TCEANC2: variants seen among roughly 807,000 people sequenced by gnomAD.
The protein encoded by TCEANC2 is transcription elongation factor A N-terminal and central domain containing 2.
TCEANC2 carries 20 observed loss-of-function variants against 22.8 expected under a neutral mutation model. The observed-to-expected ratio is 0.88, with a 90% CI of 0.62 to 1.28. The LOEUF (loss-of-function observed/expected upper bound fraction) is 1.28, where lower values mean the gene tolerates loss of function less well. Among genes scored for constraint, TCEANC2 ranks in the 50% most tolerant of loss-of-function variants. The pLI, the probability that TCEANC2 is intolerant of heterozygous loss-of-function variation, is 0.00. For missense variants in TCEANC2, 251 were observed against 249.7 expected (o/e 1.01, Z -0.03); for synonymous variants, 84 against 95.5 (o/e 0.88, Z 0.70).
intron 3 of TCEANC2, among the ~76,000 whole-genome samples, chr1:54,078,085 G>A (rs1361690841): frequency 6.6e-6 from 1 of 152,152 alleles, no homozygotes; most frequent in Non-Finnish European, 1.5e-5. Flanking sequence ...GGTAAAAATA[G>A]CATCTTGTTT....
chr1:54,054,409 G>A lies in TCEANC2; in HGVS notation c.-14G>A, dbSNP rs1297960089. The A allele has an allele frequency of 1.9e-6, 3 of 1,613,792 alleles. No homozygotes were observed. The highest frequency in any genetic ancestry group is 1.6e-4 in the Middle Eastern group (1 of 6,062). On this transcript the variant is annotated 5_prime_UTR_variant, in exon 2 of 5. Coordinates refer to ENST00000234827, the MANE Select transcript of TCEANC2 (RefSeq NM_153035.3). Reference sequence around the variant, plus strand: ...ACGCTGCAAGCACGTCAAGGTAGTCGGAGTCCCCTAACAATGGATAAATTC... The same window carrying A: ...ACGCTGCAAGCACGTCAAGGTAGTCAGAGTCCCCTAACAATGGATAAATTC...
chr1:54,107,440 ATTTTTCCC>A (rs1214071151), downstream of TCEANC2, among the ~76,000 whole-genome samples: 1 of 151,942 alleles, frequency 6.6e-6, no homozygotes, highest in Non-Finnish European at 1.5e-5. Context: ...TGAAGTTGTC[ATTTTTCCC>A]TTTCCATATT....
In TCEANC2 at chr1:54,096,672, G is replaced by C; in HGVS notation, c.*199G>C. ...GAATGTGCTTCATTAGCTGCAGTGCGCTGGTGCTGCCTAACAGAACGCACA... is the reference window on the plus strand; with the variant it reads ...GAATGTGCTTCATTAGCTGCAGTGCCCTGGTGCTGCCTAACAGAACGCACA... On this transcript the variant is annotated 3_prime_UTR_variant, in exon 5 of 5. Transcript: ENST00000234827. The surrounding 1 kb of genome is among the most constrained non-coding windows in gnomAD (Gnocchi z 4.9). 9.5e-6 allele frequency: 12 copies of C among 1,261,528 alleles called. No homozygotes were observed. Among genetic ancestry groups the C allele is most frequent in the Non-Finnish European group, 1.2e-5 (12 of 974,712 alleles). The allele number at this position is 1,261,528 out of a possible 1,614,324, so 78.1% of individuals were successfully genotyped here. A position where few individuals can be genotyped will look rare whatever the true frequency, so the allele number is the denominator to read the frequency against.
intron 2 of TCEANC2, among the ~76,000 whole-genome samples, chr1:54,065,554 CA>C (rs963761417): frequency 8.6e-5 from 13 of 151,538 alleles, no homozygotes; most frequent in African/African-American, 2.9e-4. Context: ...CCCACATCTA[CA>C]AAAAAAATTT....
intron 3 of TCEANC2, among the ~76,000 whole-genome samples, chr1:54,085,395 A>T (rs528110150): frequency 3.6e-4 from 55 of 152,018 alleles, no homozygotes; most frequent in South Asian, 1.0e-3. Flanking sequence ...TCAAATAAAA[A>T]TTTTTTTTCT....
At chr1:54,094,075 G>A (rs1209441783) in intron 4 of TCEANC2, among the ~76,000 whole-genome samples, 3 of 152,184 alleles carry the variant, frequency 2.0e-5, no homozygotes, top group South Asian at 2.1e-4. Context: ...GAACCACAGC[G>A]CCAAGTCCAC....
intron 4 of TCEANC2, chr1:54,089,770 C>T (rs958743339): frequency 5.2e-5 from 18 of 343,974 alleles, no homozygotes; most frequent in Non-Finnish European, 8.9e-5. Flanking sequence ...ATAGTACTTA[C>T]TTTTTTTAAA....
At chr1:54,080,950 A>G (rs148006470) in intron 3 of TCEANC2, among the ~76,000 whole-genome samples, 3 of 152,220 alleles carry the variant, frequency 2.0e-5, no homozygotes, top group African/African-American at 7.2e-5. Flanking sequence ...GGGAAAGGTC[A>G]TGGAGCCTCA....
At chr1:54,081,283 C>T (rs1658239043) in intron 3 of TCEANC2, among the ~76,000 whole-genome samples, 1 of 152,154 alleles carries the variant, frequency 6.6e-6, no homozygotes, top group South Asian at 2.1e-4. Flanking sequence ...AGGCTGAGTG[C>T]AATGGCGTGA....
chr1:54,080,526 G>C (rs1218268662), intron 3 of TCEANC2, among the ~76,000 whole-genome samples: 1 of 152,168 alleles, frequency 6.6e-6, no homozygotes, highest in Non-Finnish European at 1.5e-5. Flanking sequence ...TGACTCCTCT[G>C]CCCTTTTGGC....
intron 3 of TCEANC2, among the ~76,000 whole-genome samples, chr1:54,073,163 C>T (rs1365766752): frequency 2.0e-5 from 3 of 151,996 alleles, no homozygotes; most frequent in East Asian, 1.9e-4. Context: ...GAAGGGGTCT[C>T]GCTGTGTTGC....
At chr1:54,088,333 G>T (rs887781790) in intron 3 of TCEANC2, among the ~76,000 whole-genome samples, 1 of 152,020 alleles carries the variant, frequency 6.6e-6, no homozygotes, top group African/African-American at 2.4e-5. Context: ...TTTGGTTAAA[G>T]AAGTTACCTT....
chr1:54,066,681 T>C (rs1657963494), intron 2 of TCEANC2, among the ~76,000 whole-genome samples: 1 of 152,264 alleles, frequency 6.6e-6, no homozygotes, highest in Non-Finnish European at 1.5e-5. Flanking sequence ...CGGGATTATA[T>C]GTTTCAGTTT....
chr1:54,053,862 A>T (rs1253774985), intron 1 of TCEANC2, 104 bp downstream of exon 1: 1 of 153,694 alleles, frequency 6.5e-6, no homozygotes, highest in African/African-American at 2.4e-5. Context: ...CAGAGATTAC[A>T]GCCGTGGGTA....
At chr1:54,065,302 C>T (rs1174827278) in intron 2 of TCEANC2, among the ~76,000 whole-genome samples, 1 of 152,030 alleles carries the variant, frequency 6.6e-6, no homozygotes, top group East Asian at 1.9e-4. Context: ...AATGAAGAGA[C>T]AGAAATATGA....
At position 54,105,581 on chromosome 1, in the gene TCEANC2, A is replaced by G. The variant is rs1434493038; in HGVS notation, c.*9108A>G. The stretch of plus-strand genomic sequence containing the variant: ...TACTTTCCAAGGAAGTGGGCCTATA[A>G]CATAGCTCTTCCAGTTTTTGTTAAC... On this transcript the variant is annotated 3_prime_UTR_variant, in exon 5 of 5. Coordinates refer to ENST00000234827, the MANE Select transcript of TCEANC2 (RefSeq NM_153035.3). 6.6e-6 allele frequency: 1 copy of G among 151,980 alleles called. No homozygotes were observed. The highest frequency in any genetic ancestry group is 1.9e-4 in the East Asian group (1 of 5,166). 9.4% of individuals were successfully genotyped at this position (151,980 alleles called of 1,614,324 possible). A position where few individuals can be genotyped will look rare whatever the true frequency, so the allele number is the denominator to read the frequency against.
intron 1 of TCEANC2, 180 bp downstream of exon 1, chr1:54,053,938 T>G: frequency 6.1e-6 from 1 of 164,774 alleles, no homozygotes; most frequent in Non-Finnish European, 1.3e-5. Context: ...CTCTGCTGAG[T>G]TCTGGAGGTG....
At chr1:54,083,893 A>T (rs752794681) in intron 3 of TCEANC2, among the ~76,000 whole-genome samples, 1 of 152,246 alleles carries the variant, frequency 6.6e-6, no homozygotes, top group Admixed American at 6.5e-5. Context: ...ACACATATGT[A>T]GTTTTAAAAA....
At chr1:54,074,889 G>C (rs1182187804) in intron 3 of TCEANC2, among the ~76,000 whole-genome samples, 1 of 152,200 alleles carries the variant, frequency 6.6e-6, no homozygotes, top group Non-Finnish European at 1.5e-5. Context: ...GACAATATCA[G>C]AAAGGGAATG....
Sources: gnomAD v4.1 joint callset for allele counts (sites outside exome capture counted in the v4.1 genomes callset) on GRCh38, gnomAD v4.1.1 for gene constraint, Gnocchi (gnomAD v3.1) non-coding constraint, MANE v1.5 for transcripts, NCBI Gene and HGNC (gene_info 2026-07-23, HGNC 2026-07-21) for gene names.